The following CFAP299 variants were observed in gnomAD, a reference collection of about 807,000 sequenced individuals.
CFAP299 encodes the protein cilia- and flagella-associated protein 299.
In CFAP299, 21 loss-of-function variants were observed where a neutral mutation model predicts 27.0. The observed-to-expected ratio is 0.78, with a 90% CI of 0.55 to 1.12. The LOEUF is 1.12. Among genes scored for constraint, CFAP299 ranks in the 50% most tolerant of loss-of-function variants. CFAP299 has a pLI of 0.00. For missense variants in CFAP299, 310 were observed against 276.6 expected, an observed-to-expected ratio of 1.12 and a Z score of -0.86; for synonymous variants, 104 against 98.1, an observed-to-expected ratio of 1.06 and a Z score of -0.36.
intron 3 of CFAP299, among the ~76,000 whole-genome samples, chr4:80,592,531 A>G (rs978741647): frequency 2.6e-5 from 4 of 152,218 alleles, no homozygotes; most frequent in Admixed American, 1.3e-4. Flanking sequence ...TATTCTGTCA[A>G]ACAGTTTTAC....
intron 2 of CFAP299, among the ~76,000 whole-genome samples, chr4:80,515,830 A>G (rs976665208): frequency 1.1e-4 from 16 of 152,156 alleles, no homozygotes; most frequent in Admixed American, 8.5e-4. Context: ...AGGCTCTGGG[A>G]TATAGCTGGA....
At chr4:80,355,559 A>G (rs1483931362) in intron 1 of CFAP299, among the ~76,000 whole-genome samples, 2 of 151,944 alleles carry the variant, frequency 1.3e-5, no homozygotes, top group East Asian at 3.9e-4. Flanking sequence ...GGGTTTCACC[A>G]TTTGGACAGG....
intron 2 of CFAP299, among the ~76,000 whole-genome samples, chr4:80,415,980 G>A (rs1052709849): frequency 6.6e-6 from 1 of 152,210 alleles, no homozygotes; most frequent in African/African-American, 2.4e-5. Context: ...CATTAGAGCA[G>A]GTTGAGTATT....
intron 3 of CFAP299, among the ~76,000 whole-genome samples, chr4:80,866,322 A>T (rs1732745774): frequency 1.3e-5 from 2 of 152,002 alleles, no homozygotes; most frequent in Admixed American, 1.3e-4. Context: ...TAATTGAGAA[A>T]ATAAACAACA....
At chr4:80,480,248 A>G (rs532707164) in intron 2 of CFAP299, among the ~76,000 whole-genome samples, 8 of 151,168 alleles carry the variant, frequency 5.3e-5, no homozygotes, top group Admixed American at 4.6e-4. Context: ...TGGTGTTAAA[A>G]GGTAAACTGA....
chr4:80,702,127 A>AT (rs1418490334), intron 3 of CFAP299, among the ~76,000 whole-genome samples: 2 of 151,716 alleles, frequency 1.3e-5, no homozygotes, highest in Non-Finnish European at 2.9e-5. Context: ...AAATATATTT[A>AT]TTTTTTATAA....
chr4:80,924,534 G>GTATATA (rs1465517650), intron 4 of CFAP299, among the ~76,000 whole-genome samples: 1 of 131,998 alleles, frequency 7.6e-6, no homozygotes, highest in African/African-American at 3.5e-5. Flanking sequence ...GTGTGTGTGT[G>GTATATA]TGTGTATATA....
At chr4:80,763,112 G>C (rs1725632903) in intron 3 of CFAP299, among the ~76,000 whole-genome samples, 1 of 152,108 alleles carries the variant, frequency 6.6e-6, no homozygotes, top group Non-Finnish European at 1.5e-5. Context: ...TGAGCAACCA[G>C]GCAAGAGAAA....
intron 2 of CFAP299, among the ~76,000 whole-genome samples, chr4:80,493,689 A>G (rs541751786): frequency 6.6e-6 from 1 of 151,332 alleles, no homozygotes; most frequent in Admixed American, 6.6e-5. Context: ...GCTACAGACT[A>G]CTCAAACGCT....
the CFAP299 span, among the ~76,000 whole-genome samples, chr4:80,321,680 G>T: frequency 2.0e-5 from 3 of 152,274 alleles, no homozygotes; most frequent in East Asian, 5.8e-4. Context: ...CAGGAAATTT[G>T]CGTTTTCAAC....
chr4:80,496,758 G>T (rs976861480), intron 2 of CFAP299, among the ~76,000 whole-genome samples: 1 of 152,156 alleles, frequency 6.6e-6, no homozygotes, highest in East Asian at 1.9e-4. Flanking sequence ...AAGAAAAGAG[G>T]TTTAATTGGC....
At chr4:80,361,980 T>C (rs1419439580) in intron 1 of CFAP299, among the ~76,000 whole-genome samples, 1 of 152,142 alleles carries the variant, frequency 6.6e-6, no homozygotes, top group African/African-American at 2.4e-5. Context: ...CTTTAATCTT[T>C]ATACTAATAA....
intron 3 of CFAP299, among the ~76,000 whole-genome samples, chr4:80,743,089 T>C (rs1227213526): frequency 6.6e-6 from 1 of 152,160 alleles, no homozygotes; most frequent in African/African-American, 2.4e-5. Flanking sequence ...GTGCAGCTAA[T>C]TGTTCAAAAG....
chr4:80,600,551 C>G (rs917965764), intron 3 of CFAP299, among the ~76,000 whole-genome samples: 99 of 152,158 alleles, frequency 6.5e-4, no homozygotes, highest in African/African-American at 2.3e-3. Flanking sequence ...TAAAAACAAG[C>G]TTTGTCTTAC....
At chr4:80,886,569 A>G (rs1169558151) in intron 4 of CFAP299, among the ~76,000 whole-genome samples, 1 of 152,214 alleles carries the variant, frequency 6.6e-6, no homozygotes, top group Non-Finnish European at 1.5e-5. Flanking sequence ...CTTGGGGCCC[A>G]AGTCCCTTTA....
intron 4 of CFAP299, among the ~76,000 whole-genome samples, chr4:80,902,483 T>TATATATGG (rs1734963960): frequency 1.7e-5 from 2 of 119,874 alleles, no homozygotes; most frequent in East Asian, 2.2e-4. Context: ...TGTATATATG[T>TATATATGG]ATATATACAT....
chr4:80,553,592 C>T (rs762443137), intron 2 of CFAP299, among the ~76,000 whole-genome samples: 1 of 152,202 alleles, frequency 6.6e-6, no homozygotes, highest in Non-Finnish European at 1.5e-5. Flanking sequence ...TACTGCTTTC[C>T]ACAGTGTTTG....
intron 3 of CFAP299, among the ~76,000 whole-genome samples, chr4:80,792,357 T>C (rs946911454): frequency 2.0e-5 from 3 of 152,078 alleles, no homozygotes; most frequent in African/African-American, 7.2e-5. Context: ...CGTTAGGATT[T>C]ATTATACTTT....
chr4:80,504,355 A>T (rs1486308852), intron 2 of CFAP299, among the ~76,000 whole-genome samples: 2 of 150,648 alleles, frequency 1.3e-5, no homozygotes, highest in African/African-American at 4.9e-5. Context: ...CATGTGGTGA[A>T]GAGGCTTTCT....
Sources: allele counts gnomAD v4.1 joint callset (sites outside exome capture counted in the v4.1 genomes callset), GRCh38; gene constraint gnomAD v4.1.1; transcripts MANE v1.5; gene names NCBI Gene and HGNC (gene_info 2026-07-23, HGNC 2026-07-21).